Variants in KCNMB2 observed in about 807,000 individuals in gnomAD.
KCNMB2 encodes the protein potassium calcium-activated channel subfamily M regulatory beta subunit 2.
KCNMB2 carries 9 observed loss-of-function variants against 24.5 expected under a neutral mutation model. The observed-to-expected ratio is 0.37, with a 90% CI of 0.22 to 0.64. The LOEUF is 0.64. KCNMB2 is among the 30% of genes least tolerant of loss of function. The probability of loss-of-function intolerance (pLI) is 0.63; values close to 1 mark genes in which losing one functional copy is unlikely to be tolerated. For missense variants in KCNMB2, 226 were observed against 284.3 expected, an observed-to-expected ratio of 0.79 and a Z score of 1.47; for synonymous variants, 109 against 104.4, an observed-to-expected ratio of 1.04 and a Z score of -0.27.
chr3:178,795,743 G>A (rs528171226), intron 1 of KCNMB2, among the ~76,000 whole-genome samples: 1 of 152,236 alleles, frequency 6.6e-6, no homozygotes, highest in Admixed American at 6.5e-5. Flanking sequence ...AGATTGCAGT[G>A]ATTTGTTGTA....
At chr3:178,805,234 T>C (rs1023986056) in intron 1 of KCNMB2, among the ~76,000 whole-genome samples, 2 of 152,230 alleles carry the variant, frequency 1.3e-5, no homozygotes, top group Non-Finnish European at 2.9e-5. Flanking sequence ...GCTCTGATGC[T>C]GACCCAAGGG....
intron 1 of KCNMB2, among the ~76,000 whole-genome samples, chr3:178,795,656 C>T (rs1352122124): frequency 3.3e-5 from 5 of 152,146 alleles, no homozygotes; most frequent in African/African-American, 4.8e-5. Flanking sequence ...ACCTCAGTCC[C>T]GCTCCTGCCA....
intron 1 of KCNMB2, among the ~76,000 whole-genome samples, chr3:178,627,242 A>G (rs1719154324): frequency 6.6e-6 from 1 of 152,186 alleles, no homozygotes; most frequent in Non-Finnish European, 1.5e-5. Context: ...CATTTTGGTT[A>G]TCTGGTAATA....
intron 1 of KCNMB2, among the ~76,000 whole-genome samples, chr3:178,776,112 C>A (rs1406920526): frequency 5.3e-5 from 8 of 152,148 alleles, no homozygotes; most frequent in Non-Finnish European, 1.2e-4. Context: ...TTGTCATTTT[C>A]TTTACCTTTC....
chr3:178,698,388 T>C (rs1721958385), intron 1 of KCNMB2, among the ~76,000 whole-genome samples: 1 of 152,196 alleles, frequency 6.6e-6, no homozygotes, highest in Non-Finnish European at 1.5e-5. Flanking sequence ...GCTATGAGAG[T>C]GTTTCCTCCA....
chr3:178,815,742 T>C (rs1714381072), intron 2 of KCNMB2, among the ~76,000 whole-genome samples: 1 of 152,082 alleles, frequency 6.6e-6, no homozygotes, highest in African/African-American at 2.4e-5. Context: ...CATGAATGAA[T>C]GTTAAATTTT....
intron 4 of KCNMB2, among the ~76,000 whole-genome samples, chr3:178,841,384 G>A (rs1396885103): frequency 6.6e-6 from 1 of 152,094 alleles, no homozygotes; most frequent in Non-Finnish European, 1.5e-5. Flanking sequence ...ACTTCTGCCT[G>A]TTACCCAGTT....
intron 1 of KCNMB2, among the ~76,000 whole-genome samples, chr3:178,725,782 C>A (rs1722947798): frequency 6.6e-6 from 1 of 151,884 alleles, no homozygotes; most frequent in African/African-American, 2.4e-5. Flanking sequence ...TTAGTGTTTT[C>A]ATGACGTATC....
At chr3:178,630,359 C>T (rs532865658) in intron 1 of KCNMB2, among the ~76,000 whole-genome samples, 5 of 152,194 alleles carry the variant, frequency 3.3e-5, no homozygotes, top group Non-Finnish European at 7.3e-5. Flanking sequence ...AATAAGTGTT[C>T]CAGCATCTCC....
intron 1 of KCNMB2, among the ~76,000 whole-genome samples, chr3:178,633,527 AG>A (rs1294769081): frequency 2.6e-5 from 4 of 152,330 alleles, no homozygotes; most frequent in African/African-American, 9.6e-5. Context: ...GGCCCCTTGT[AG>A]CCAAGGCTGG....
At chr3:178,708,349 G>A (rs2108347378) in intron 1 of KCNMB2, among the ~76,000 whole-genome samples, 1 of 152,226 alleles carries the variant, frequency 6.6e-6, no homozygotes, top group East Asian at 1.9e-4. Context: ...CTTTCATGGA[G>A]CACTAGCTCT....
At chr3:178,538,392 TAGAA>T (rs1284954557) in intron 1 of KCNMB2, among the ~76,000 whole-genome samples, 1 of 152,226 alleles carries the variant, frequency 6.6e-6, no homozygotes, top group African/African-American at 2.4e-5. Context: ...AATGCATGTA[TAGAA>T]AGAGAGAGCT....
intron 1 of KCNMB2, among the ~76,000 whole-genome samples, chr3:178,706,496 A>G (rs1345433046): frequency 1.3e-5 from 2 of 152,086 alleles, no homozygotes; most frequent in African/African-American, 4.8e-5. Flanking sequence ...TGCAGATGAC[A>G]TTTGACTAGA....
At chr3:178,587,391 A>G (rs1215908281) in intron 1 of KCNMB2, among the ~76,000 whole-genome samples, 2 of 152,240 alleles carry the variant, frequency 1.3e-5, no homozygotes, top group East Asian at 1.9e-4. Context: ...TTGTCCCCCA[A>G]TAAACAGAAC....
At chr3:178,752,153 G>A (rs532913784) in intron 1 of KCNMB2, among the ~76,000 whole-genome samples, 2 of 152,220 alleles carry the variant, frequency 1.3e-5, no homozygotes, top group South Asian at 2.1e-4. Context: ...TCTAAAGTTC[G>A]AGGAGCTTCC....
Position 178,784,156 on chromosome 3 carries a change from C to A in KCNMB2, c.-67-23187C>A, listed in dbSNP as rs544821615. Among the ~76,000 whole-genome samples, 10 of 152,294 alleles carry A rather than the reference C, an allele frequency of 6.6e-5. No homozygotes were observed. The South Asian group carries it at 1.7e-3, about 25-fold the overall frequency. ...GACAGCAGATGTTGGACAAAATAAC[C>A]AAATCTGTTCTTTTGGGAGAAATAA... On this transcript the variant is annotated intron_variant, in intron 1 of 4. Transcript: ENST00000452583.
chr3:178,764,622 G>T (rs1466832871), intron 1 of KCNMB2, among the ~76,000 whole-genome samples: 1 of 152,300 alleles, frequency 6.6e-6, no homozygotes, highest in South Asian at 2.1e-4. Context: ...TCATTAAGCA[G>T]TGCATGTGTG....
At chr3:178,691,718 A>G (rs1721684389) in intron 1 of KCNMB2, among the ~76,000 whole-genome samples, 1 of 152,186 alleles carries the variant, frequency 6.6e-6, no homozygotes, top group Non-Finnish European at 1.5e-5. Flanking sequence ...CAATGAACAT[A>G]CGCATGCATG....
At chr3:178,549,163 A>G (rs1715863543) in intron 1 of KCNMB2, among the ~76,000 whole-genome samples, 1 of 152,202 alleles carries the variant, frequency 6.6e-6, no homozygotes, top group Non-Finnish European at 1.5e-5. Context: ...TTGCCCACTG[A>G]ATATATAAAT....
Sources: allele counts gnomAD v4.1 joint callset (sites outside exome capture counted in the v4.1 genomes callset), GRCh38; gene constraint gnomAD v4.1.1; transcripts MANE v1.5; gene names NCBI Gene and HGNC (gene_info 2026-07-23, HGNC 2026-07-21).